Variants in GALNT13 observed in about 807,000 individuals in gnomAD.
The protein encoded by GALNT13 is UDP-GalNAc:polypeptide N-acetylgalactosaminyltransferase 13.
A neutral mutation model predicts 64.2 loss-of-function variants in GALNT13; 28 were observed. The ratio of observed to expected loss-of-function variants is 0.44; its 90% confidence interval spans 0.32 to 0.60. GALNT13 has a LOEUF of 0.60. Ranked by LOEUF, GALNT13 falls within the 20% of genes least tolerant of loss-of-function variation. The pLI is 0.05. For missense variants in GALNT13, 577 were observed against 669.8 expected (o/e 0.86, Z 1.53); for synonymous variants, 214 against 224.6 (o/e 0.95, Z 0.42).
At chr2:153,461,231 T>C in the GALNT13 span, among the ~76,000 whole-genome samples, 1 of 152,116 alleles carries the variant, frequency 6.6e-6, no homozygotes, top group Non-Finnish European at 1.5e-5. Flanking sequence ...TTTAGAGTTT[T>C]GAATTTCAGA....
chr2:153,355,355 G>C, the GALNT13 span, among the ~76,000 whole-genome samples: 2 of 152,046 alleles, frequency 1.3e-5, no homozygotes, highest in African/African-American at 2.4e-5. Flanking sequence ...TCATATTTCT[G>C]TATTCCCTCA....
the GALNT13 span, among the ~76,000 whole-genome samples, chr2:153,803,710 AAAAAG>A: frequency 7.1e-6 from 1 of 140,630 alleles, no homozygotes; most frequent in Non-Finnish European, 1.6e-5. Context: ...AAAAAAAAAG[AAAAAG>A]AAAAAAGAAA....
intron 10 of GALNT13, 27 bp from the exon 11 acceptor site, chr2:154,408,957 C>G (rs1222607952): frequency 7.8e-7 from 1 of 1,289,584 alleles, no homozygotes; most frequent in Admixed American, 1.8e-5. Flanking sequence ...TATGTTTTAT[C>G]CCCCCCCTTT....
chr2:153,588,209 G>A, the GALNT13 span, among the ~76,000 whole-genome samples: 1 of 152,186 alleles, frequency 6.6e-6, no homozygotes, highest in Non-Finnish European at 1.5e-5. Flanking sequence ...AGATGTCAGT[G>A]AATCTACTGT....
At chr2:153,147,806 A>G in the GALNT13 span, among the ~76,000 whole-genome samples, 2 of 151,788 alleles carry the variant, frequency 1.3e-5, no homozygotes, top group Non-Finnish European at 2.9e-5. Context: ...AGCATTGGGC[A>G]TTCATTAGTT....
intron 3 of GALNT13, among the ~76,000 whole-genome samples, chr2:154,084,727 A>G (rs992817070): frequency 9.2e-5 from 14 of 151,952 alleles, no homozygotes; most frequent in Non-Finnish European, 8.8e-5. Flanking sequence ...GAATAACTTT[A>G]TATAAAGGTT....
chr2:154,254,311 A>G (rs1690252001), intron 7 of GALNT13, among the ~76,000 whole-genome samples: 1 of 152,208 alleles, frequency 6.6e-6, no homozygotes, highest in African/African-American at 2.4e-5. Context: ...CTCGTAATCA[A>G]ATGGCTAGAT....
At chr2:153,177,466 T>G in the GALNT13 span, among the ~76,000 whole-genome samples, 3 of 152,082 alleles carry the variant, frequency 2.0e-5, no homozygotes, top group African/African-American at 7.2e-5. Flanking sequence ...GCATGAAAAC[T>G]ACACCAAAGG....
At chr2:153,835,991 G>A in the GALNT13 span, among the ~76,000 whole-genome samples, 1 of 152,022 alleles carries the variant, frequency 6.6e-6, no homozygotes, top group African/African-American at 2.4e-5. Context: ...TGTGCTCTAT[G>A]TTATGAAGCT....
the GALNT13 span, among the ~76,000 whole-genome samples, chr2:153,116,480 GA>G: frequency 2.2e-3 from 333 of 152,152 alleles, 4 homozygotes; most frequent in African/African-American, 7.6e-3. Flanking sequence ...ATAGAAATAG[GA>G]AAATAGAAGA....
the GALNT13 span, among the ~76,000 whole-genome samples, chr2:153,843,730 C>T: frequency 3.9e-5 from 6 of 152,172 alleles, no homozygotes; most frequent in Non-Finnish European, 8.8e-5. Flanking sequence ...TTCCAAGACA[C>T]AATGTGGTAT....
At chr2:153,723,544 T>C in the GALNT13 span, among the ~76,000 whole-genome samples, 2 of 151,094 alleles carry the variant, frequency 1.3e-5, no homozygotes, top group African/African-American at 4.9e-5. Context: ...TGATTGTTTA[T>C]CTAGAAAACC....
At chr2:154,297,877 G>GA (rs140416345) in intron 8 of GALNT13, among the ~76,000 whole-genome samples, 6,211 of 147,630 alleles carry the variant, frequency 0.042, 188 homozygotes, top group Non-Finnish European at 0.06. Flanking sequence ...CTATCAATTG[G>GA]AAAAAAAAAA....
chr2:154,420,514 A>C (rs1407093811), intron 11 of GALNT13, among the ~76,000 whole-genome samples: 4 of 152,114 alleles, frequency 2.6e-5, no homozygotes. Flanking sequence ...CTTACTCATT[A>C]CTGTGAAATG....
the GALNT13 span, among the ~76,000 whole-genome samples, chr2:153,368,309 A>C: frequency 6.6e-6 from 1 of 152,080 alleles, no homozygotes; most frequent in Non-Finnish European, 1.5e-5. Flanking sequence ...AGGAGGAGGC[A>C]CCTGAGCTTC....
chr2:154,026,909 A>G (rs1698007241), intron 3 of GALNT13, among the ~76,000 whole-genome samples: 1 of 152,154 alleles, frequency 6.6e-6, no homozygotes, highest in African/African-American at 2.4e-5. Context: ...CCAATCGAGC[A>G]TCCGGAGAAG....
At chr2:153,818,790 C>T in the GALNT13 span, among the ~76,000 whole-genome samples, 1 of 152,166 alleles carries the variant, frequency 6.6e-6, no homozygotes, top group Non-Finnish European at 1.5e-5. Context: ...CCACCCTGCT[C>T]CATCTGAGCA....
the GALNT13 span, among the ~76,000 whole-genome samples, chr2:153,694,132 T>C: frequency 4.6e-5 from 7 of 151,928 alleles, no homozygotes; most frequent in Non-Finnish European, 8.8e-5. Context: ...AAAAAAGCAA[T>C]CGTGAAATTA....
chr2:154,337,046 A>G (rs1284194054), intron 9 of GALNT13, among the ~76,000 whole-genome samples: 1 of 152,142 alleles, frequency 6.6e-6, no homozygotes, highest in Non-Finnish European at 1.5e-5. Context: ...ATAAAAAAAT[A>G]TACATGTATG....
Sources: gnomAD v4.1 joint callset for allele counts (sites outside exome capture counted in the v4.1 genomes callset) on GRCh38, gnomAD v4.1.1 for gene constraint, MANE v1.5 for transcripts, NCBI Gene and HGNC (gene_info 2026-07-23, HGNC 2026-07-21) for gene names.